Variants in CDH8 observed in about 807,000 individuals in gnomAD.
CDH8 encodes cadherin 8.
Under a neutral mutation model 68.1 loss-of-function variants are expected in CDH8, and 17 were observed. The ratio of observed to expected loss-of-function variants is 0.25; its 90% CI spans 0.17 to 0.37. The LOEUF (loss-of-function observed/expected upper bound fraction) is 0.37, where lower values mean the gene tolerates loss of function less well. CDH8 is among the 10% of genes least tolerant of loss of function. CDH8 has a pLI of 1.00. For missense variants in CDH8, 763 were observed against 999.3 expected (o/e 0.76, Z 3.19); for synonymous variants, 372 against 365.1 (o/e 1.02, Z -0.21).
chr16:61,931,927 G>T (rs1964546218), intron 2 of CDH8, among the ~76,000 whole-genome samples: 2 of 152,146 alleles, frequency 1.3e-5, no homozygotes, highest in African/African-American at 4.8e-5. Context: ...AAAAGCACAG[G>T]CTGGGCGCTA....
In CDH8 at chr16:61,647,391, A is replaced by C. The variant is rs1016311210; in HGVS notation, c.*6217T>G. The C allele has an allele frequency of 6.5e-6, 1 of 154,062 alleles. No homozygotes were observed. Among genetic ancestry groups the C allele is most frequent in the African/African-American group, 2.4e-5 (1 of 41,422 alleles). The allele number at this position is 154,062 out of a possible 1,614,324, so 9.5% of individuals were successfully genotyped here. On this transcript the variant is annotated 3_prime_UTR_variant, in exon 12 of 12. Coordinates refer to ENST00000577390, the MANE Select transcript of CDH8 (RefSeq NM_001796.5). ...ACTTGACAAAGATGACAGCTCTCGA[A>C]CTTTAGAGGTTAAGTTAAAGAAAAA...
intron 10 of CDH8, among the ~76,000 whole-genome samples, chr16:61,665,661 T>C (rs1012770792): frequency 1.3e-5 from 2 of 151,898 alleles, no homozygotes; most frequent in Non-Finnish European, 2.9e-5. Context: ...CCCAGAACTT[T>C]AAGTTTAAAG....
At chr16:61,972,849 C>A (rs915295465) in intron 2 of CDH8, among the ~76,000 whole-genome samples, 1 of 152,080 alleles carries the variant, frequency 6.6e-6, no homozygotes, top group Non-Finnish European at 1.5e-5. Flanking sequence ...AAGCAGTCTG[C>A]ATAATGATCT....
At chr16:61,721,692 C>T (rs771843869) in intron 9 of CDH8, among the ~76,000 whole-genome samples, 45 of 150,710 alleles carry the variant, frequency 3.0e-4, no homozygotes, top group Admixed American at 9.3e-4. Flanking sequence ...CTCATATTCT[C>T]ATGATTATTT....
At chr16:61,723,265 T>C (rs1403408882) in intron 9 of CDH8, among the ~76,000 whole-genome samples, 1 of 150,710 alleles carries the variant, frequency 6.6e-6, no homozygotes, top group African/African-American at 2.4e-5. Flanking sequence ...AAGTTCTATA[T>C]TTTTCCTTCG....
intron 8 of CDH8, among the ~76,000 whole-genome samples, chr16:61,759,568 T>C (rs918744127): frequency 1.3e-5 from 2 of 152,138 alleles, no homozygotes; most frequent in African/African-American, 4.8e-5. Flanking sequence ...ACTAGTAACA[T>C]GTGCCAAAAT....
intron 4 of CDH8, among the ~76,000 whole-genome samples, chr16:61,853,778 G>GT (rs1202752964): frequency 6.6e-5 from 10 of 152,000 alleles, no homozygotes; most frequent in African/African-American, 2.2e-4. Flanking sequence ...GTCAAAATTA[G>GT]TAGCCATTCA....
At chr16:61,811,306 A>G (rs1961943623) in intron 7 of CDH8, among the ~76,000 whole-genome samples, 2 of 152,208 alleles carry the variant, frequency 1.3e-5, no homozygotes, top group Admixed American at 6.5e-5. Context: ...TCGCAGGTAT[A>G]GTGAGTTTTT....
At chr16:61,838,773 CATT>C in intron 4 of CDH8, among the ~76,000 whole-genome samples, 1 of 152,018 alleles carries the variant, frequency 6.6e-6, no homozygotes, top group Non-Finnish European at 1.5e-5. Context: ...GCAGAGAAAA[CATT>C]GTGGGCTAGA....
intron 10 of CDH8, among the ~76,000 whole-genome samples, chr16:61,669,638 TTA>T (rs1963751873): frequency 6.6e-6 from 1 of 152,074 alleles, no homozygotes; most frequent in African/African-American, 2.4e-5. Context: ...AGTTGATGGT[TTA>T]TCCTCTTGTG....
At chr16:61,800,146 T>C (rs549442926) in intron 7 of CDH8, among the ~76,000 whole-genome samples, 2 of 152,310 alleles carry the variant, frequency 1.3e-5, no homozygotes, top group South Asian at 4.1e-4. Context: ...ACCTTAAAAC[T>C]AGAGATGCAT....
chr16:62,030,217 A>C lies in CDH8; in HGVS notation c.-200+5863T>G, dbSNP rs77966812. Reference sequence around the variant, plus strand: ...TATTTGACAAAAATACTATTGAGTTATGACCCAGAATGTATAATTTATGAA... The same window carrying C: ...TATTTGACAAAAATACTATTGAGTTCTGACCCAGAATGTATAATTTATGAA... On this transcript the variant is annotated intron_variant, in intron 1 of 11. Transcript: ENST00000577390. Among the ~76,000 whole-genome samples, 908 of 152,322 alleles carry C rather than the reference A, an allele frequency of 6.0e-3. 5 individuals are homozygous for C. The highest frequency in any genetic ancestry group is 0.014 in the Middle Eastern group (4 of 294).
At chr16:61,869,593 G>A (rs985443646) in intron 3 of CDH8, among the ~76,000 whole-genome samples, 2 of 151,946 alleles carry the variant, frequency 1.3e-5, no homozygotes, top group Admixed American at 1.3e-4. Flanking sequence ...TACAAAATTG[G>A]GTTTCATTTG....
At position 61,825,181 on chromosome 16, in the gene CDH8, T is replaced by A; in HGVS notation, c.668-2A>T. The stretch of plus-strand genomic sequence containing the variant: ...TGGGAAGGGCAGTTTTTATAATAGC[T>A]GAGGGGGAAAATGGAAGAATGACTT... On this transcript the variant is annotated splice_acceptor_variant, in intron 4 of 11. Coordinates refer to ENST00000577390, the MANE Select transcript of CDH8 (RefSeq NM_001796.5). LOFTEE classifies it high-confidence loss of function. 6.3e-7 allele frequency: 1 copy of A among 1,597,582 alleles called. No individual in the cohort carries two copies. Among genetic ancestry groups the A allele is most frequent in the Non-Finnish European group, 8.5e-7 (1 of 1,173,928 alleles).
chr16:61,931,712 T>C (rs1042320882), intron 2 of CDH8, among the ~76,000 whole-genome samples: 4 of 152,134 alleles, frequency 2.6e-5, no homozygotes, highest in Non-Finnish European at 5.9e-5. Flanking sequence ...AAAAGTAACA[T>C]TAATTGTAAA....
intron 10 of CDH8, among the ~76,000 whole-genome samples, chr16:61,676,178 A>G (rs1963906214): frequency 6.6e-6 from 1 of 150,592 alleles, no homozygotes; most frequent in Non-Finnish European, 1.5e-5. Context: ...TTTGCTTGGA[A>G]AGTTATAAAG....
chr16:61,756,652 A>AT (rs540626390), intron 8 of CDH8, among the ~76,000 whole-genome samples: 4 of 152,262 alleles, frequency 2.6e-5, no homozygotes, highest in South Asian at 2.1e-4. Flanking sequence ...TAGAGAACAT[A>AT]TTTTTTTGTC....
chr16:61,663,471 T>A (rs925263828), intron 10 of CDH8, among the ~76,000 whole-genome samples: 9 of 151,992 alleles, frequency 5.9e-5, no homozygotes, highest in Non-Finnish European at 1.3e-4. Flanking sequence ...TTAAATAAAA[T>A]GTATATGTTT....
intron 8 of CDH8, 93 bp downstream of exon 8, chr16:61,789,253 C>G: frequency 8.7e-7 from 1 of 1,152,924 alleles, no homozygotes. Context: ...TGTCAAGGTA[C>G]CTAACAGAAA....
Sources: gnomAD v4.1 joint callset for allele counts (sites outside exome capture counted in the v4.1 genomes callset) on GRCh38, gnomAD v4.1.1 for gene constraint, MANE v1.5 for transcripts, NCBI Gene and HGNC (gene_info 2026-07-23, HGNC 2026-07-21) for gene names.